ASTN2: variants seen among roughly 807,000 people sequenced by gnomAD.
ASTN2 encodes the protein astrotactin 2, also known as astrotactin-2.
Under a neutral mutation model 139.8 loss-of-function variants are expected in ASTN2, and 54 were observed. The ratio of observed to expected loss-of-function variants is 0.39; its 90% CI spans 0.31 to 0.48. ASTN2 has a LOEUF of 0.48. ASTN2 is among the 20% of genes least tolerant of loss of function. The probability of loss-of-function intolerance (pLI) is 0.95; values close to 1 mark genes in which losing one functional copy is unlikely to be tolerated. For synonymous variants in ASTN2, 756 were observed against 719.5 expected (o/e 1.05, Z -0.81); for missense variants, 1,565 against 1,725.1 (o/e 0.91, Z 1.64).
At chr9:117,082,511 C>T (rs1010794895) in intron 5 of ASTN2, among the ~76,000 whole-genome samples, 1 of 152,162 alleles carries the variant, frequency 6.6e-6, no homozygotes, top group Non-Finnish European at 1.5e-5. Context: ...TGTGATCTTC[C>T]TAAAACAGAA....
chr9:117,225,529 C>CTGTA (rs3041188), intron 2 of ASTN2, among the ~76,000 whole-genome samples: 3,463 of 63,778 alleles, frequency 0.054, 388 homozygotes, highest in East Asian at 0.25. Context: ...CCTGGCCAAG[C>CTGTA]TGTATGTATA....
chr9:116,497,889 G>A (rs1237837704), intron 19 of ASTN2, among the ~76,000 whole-genome samples: 2 of 152,058 alleles, frequency 1.3e-5, no homozygotes, highest in Non-Finnish European at 2.9e-5. Context: ...TTGTAAAGTG[G>A]AAAGAACCAA....
At chr9:116,719,700 G>T (rs975538156) in intron 16 of ASTN2, among the ~76,000 whole-genome samples, 2 of 152,088 alleles carry the variant, frequency 1.3e-5, no homozygotes, top group Admixed American at 6.6e-5. Context: ...TCTAGAAAGA[G>T]GGGTCCATAA....
At chr9:116,803,522 A>ATATATATATTTTTTT (rs1554748694) in intron 13 of ASTN2, among the ~76,000 whole-genome samples, 1 of 21,140 alleles carries the variant, frequency 4.7e-5, no homozygotes, top group Non-Finnish European at 8.0e-5. Context: ...ATATATATAT[A>ATATATATATTTTTTT]TTTTTTTTTT....
intron 7 of ASTN2, among the ~76,000 whole-genome samples, chr9:117,002,627 AT>A (rs1257618240): frequency 6.6e-6 from 1 of 152,214 alleles, no homozygotes; most frequent in Non-Finnish European, 1.5e-5. Flanking sequence ...AAAAACTAGA[AT>A]TGGTATATAC....
intron 19 of ASTN2, among the ~76,000 whole-genome samples, chr9:116,590,178 T>G (rs1268968618): frequency 6.6e-6 from 1 of 152,132 alleles, no homozygotes; most frequent in Admixed American, 6.5e-5. Flanking sequence ...AGCCCCACCC[T>G]CCGAGGCACA....
intron 19 of ASTN2, among the ~76,000 whole-genome samples, chr9:116,576,205 GA>G: frequency 6.6e-6 from 1 of 152,094 alleles, no homozygotes; most frequent in Non-Finnish European, 1.5e-5. Flanking sequence ...AAGGAGGACT[GA>G]TCAGTCCCCT....
intron 1 of ASTN2, among the ~76,000 whole-genome samples, chr9:117,374,258 G>T (rs1387385070): frequency 6.6e-6 from 1 of 151,332 alleles, no homozygotes; most frequent in Non-Finnish European, 1.5e-5. Flanking sequence ...TCTGCCTCAT[G>T]CTGGCAGGAC....
intron 16 of ASTN2, among the ~76,000 whole-genome samples, chr9:116,672,126 C>A: frequency 6.6e-6 from 1 of 152,074 alleles, no homozygotes. Flanking sequence ...GTAATCCTAG[C>A]ACTTTGGGAG....
At chr9:116,672,893 A>T (rs1445505357) in intron 16 of ASTN2, among the ~76,000 whole-genome samples, 1 of 152,226 alleles carries the variant, frequency 6.6e-6, no homozygotes, top group Non-Finnish European at 1.5e-5. Flanking sequence ...AGTTTATATT[A>T]TTAATAATAA....
At chr9:117,189,746 G>A (rs1366001119) in intron 3 of ASTN2, among the ~76,000 whole-genome samples, 1 of 152,158 alleles carries the variant, frequency 6.6e-6, no homozygotes, top group Non-Finnish European at 1.5e-5. Context: ...TTTATCCTCT[G>A]CTGTCAAAGT....
chr9:116,539,051 G>A (rs771165425), intron 19 of ASTN2, among the ~76,000 whole-genome samples: 12 of 152,092 alleles, frequency 7.9e-5, no homozygotes, highest in Non-Finnish European at 1.3e-4. Context: ...CTACGACATG[G>A]ACGAACCTTG....
chr9:116,872,140 T>A (rs1210497478), intron 10 of ASTN2, among the ~76,000 whole-genome samples: 1 of 152,106 alleles, frequency 6.6e-6, no homozygotes, highest in Non-Finnish European at 1.5e-5. Flanking sequence ...ATTTTTGTAT[T>A]TTTAGTAGAG....
intron 1 of ASTN2, among the ~76,000 whole-genome samples, chr9:117,379,677 G>A (rs1398117362): frequency 6.6e-6 from 1 of 152,158 alleles, no homozygotes; most frequent in African/African-American, 2.4e-5. Context: ...TGTCCTCCAG[G>A]AGCATGTAGA....
intron 13 of ASTN2, among the ~76,000 whole-genome samples, chr9:116,788,878 C>G (rs534279584): frequency 6.6e-6 from 1 of 151,992 alleles, no homozygotes; most frequent in East Asian, 1.9e-4. Flanking sequence ...AACATTAGAC[C>G]GAGTTTTGTT....
At chr9:116,479,859 T>C (rs1016593643) in intron 20 of ASTN2, among the ~76,000 whole-genome samples, 1 of 152,194 alleles carries the variant, frequency 6.6e-6, no homozygotes, top group African/African-American at 2.4e-5. Context: ...TGCCCAACTC[T>C]TCTCATAATT....
intron 11 of ASTN2, among the ~76,000 whole-genome samples, chr9:116,855,173 AT>A (rs1197394246): frequency 6.6e-6 from 1 of 152,208 alleles, no homozygotes; most frequent in Non-Finnish European, 1.5e-5. Flanking sequence ...GAAGAAAAAA[AT>A]ATTTAATGTC....
intron 5 of ASTN2, among the ~76,000 whole-genome samples, chr9:117,072,517 A>T (rs1452067372): frequency 6.6e-6 from 1 of 152,202 alleles, no homozygotes; most frequent in Non-Finnish European, 1.5e-5. Flanking sequence ...AGAGGAAGAG[A>T]TGAAAAGAAG....
intron 6 of ASTN2, among the ~76,000 whole-genome samples, chr9:117,013,485 TA>T (rs201560267): frequency 0.18 from 4,985 of 27,640 alleles, 201 homozygotes; most frequent in South Asian, 0.42. Flanking sequence ...TATATATATA[TA>T]TTTTTTTTTT....
Sources: gnomAD v4.1 joint callset for allele counts (sites outside exome capture counted in the v4.1 genomes callset) on GRCh38, gnomAD v4.1.1 for gene constraint, MANE v1.5 for transcripts, NCBI Gene and HGNC (gene_info 2026-07-23, HGNC 2026-07-21) for gene names.